The following DNAH11 variants were observed in gnomAD, a reference collection of about 807,000 sequenced individuals.
The protein encoded by DNAH11 is axonemal beta dynein heavy chain 11.
In DNAH11, 442 loss-of-function variants were observed where a neutral mutation model predicts 526.0. That is an observed-to-expected ratio of 0.84 (90% CI 0.78 to 0.91). The LOEUF is 0.91. Among genes scored for constraint, DNAH11 ranks in the 40% least tolerant of loss-of-function variants. The pLI is 0.00. For synonymous variants in DNAH11, 2,461 were observed against 1,935.9 expected (o/e 1.27, Z -7.12); for missense variants, 6,989 against 5,448.7 (o/e 1.28, Z -8.90).
In DNAH11 at chr7:21,594,845, T is replaced by G. The variant is rs1001063784; in HGVS notation, c.2667+3268T>G. Among the ~76,000 whole-genome samples the G allele has an allele frequency of 2.6e-5, 4 of 152,138 alleles. No homozygotes were observed. In the South Asian group the frequency reaches 6.2e-4, roughly 24 times the overall value. On this transcript the variant is annotated intron_variant, in intron 14 of 81. Transcript: ENST00000409508. ...TCAGGGGAGGCTTCATAGGCCTTTT[T>G]GCAGATTCTGGCTTTGGCTCACTCT...
intron 5 of DNAH11, among the ~76,000 whole-genome samples, chr7:21,563,409 A>C (rs1235375607): frequency 2.0e-5 from 3 of 151,982 alleles, no homozygotes; most frequent in African/African-American, 7.2e-5. Flanking sequence ...GGGTCTTGCT[A>C]TCTTTCCCAG....
chr7:21,681,923 A>AT (rs557194578), intron 31 of DNAH11, among the ~76,000 whole-genome samples: 40 of 152,304 alleles, frequency 2.6e-4, no homozygotes, highest in South Asian at 8.3e-4. Flanking sequence ...ATCAAAAAAA[A>AT]TTTTATCACA....
intron 42 of DNAH11, 41 bp from the exon 43 acceptor site, chr7:21,717,734 A>G (rs532734801): frequency 6.2e-7 from 1 of 1,610,072 alleles, no homozygotes; most frequent in African/African-American, 1.3e-5. Flanking sequence ...CTGCTTTTCA[A>G]GCCTAGTGTT....
chr7:21,620,097 T>C lies in DNAH11; in HGVS notation c.4500+19T>C, dbSNP rs1001542108. Reference sequence around the variant, plus strand: ...CAACCAAGTAAGATGGATATTTTTATTGCATATATTTTTCATTTTATTTTT... The same window carrying C: ...CAACCAAGTAAGATGGATATTTTTACTGCATATATTTTTCATTTTATTTTT... On this transcript the variant is annotated intron_variant, in intron 25 of 81. Coordinates refer to ENST00000409508, the MANE Select transcript of DNAH11 (RefSeq NM_001277115.2). 6.5e-7 allele frequency: 1 copy of C among 1,528,784 alleles called. No individual in the cohort carries two copies. Among genetic ancestry groups the C allele is most frequent in the Non-Finnish European group, 8.8e-7 (1 of 1,137,806 alleles). The allele number at this position is 1,528,784 out of a possible 1,614,324, so 94.7% of individuals were successfully genotyped here. A position where few individuals can be genotyped will look rare whatever the true frequency, so the allele number is the denominator to read the frequency against.
At chr7:21,852,153 G>A (rs1343217323) in intron 66 of DNAH11, among the ~76,000 whole-genome samples, 1 of 152,048 alleles carries the variant, frequency 6.6e-6, no homozygotes, top group Non-Finnish European at 1.5e-5. Context: ...GCCTGTAATG[G>A]CAGCACTTTG....
At chr7:21,813,732 C>T (rs989963378) in intron 63 of DNAH11, among the ~76,000 whole-genome samples, 9 of 152,104 alleles carry the variant, frequency 5.9e-5, no homozygotes, top group Admixed American at 2.6e-4. Context: ...CTCATAGTAA[C>T]ATCCTGACTC....
chr7:21,851,623 C>T lies in DNAH11; in HGVS notation c.10897-844C>T, dbSNP rs996806413. The stretch of plus-strand genomic sequence containing the variant: ...TTTATCTGACCTTCACTGTAAGAAC[C>T]GGATGGCATTTCCTGGAGGTAAAAC... On this transcript the variant is annotated intron_variant, in intron 66 of 81. Transcript: ENST00000409508. 43 of 470,726 alleles carry T rather than the reference C, an allele frequency of 9.1e-5. No individual in the cohort carries two copies. In the Admixed American group the frequency reaches 9.4e-4, roughly 10 times the overall value. The allele number at this position is 470,726 out of a possible 1,614,324, so 29.2% of individuals were successfully genotyped here.
intron 1 of DNAH11, among the ~76,000 whole-genome samples, chr7:21,544,161 T>C (rs1208102672): frequency 6.6e-6 from 1 of 152,220 alleles, no homozygotes; most frequent in Non-Finnish European, 1.5e-5. Context: ...TCCTTTTCTT[T>C]TTGAATTTCG....
At chr7:21,780,959 A>G (rs1787917849) in intron 57 of DNAH11, among the ~76,000 whole-genome samples, 1 of 152,226 alleles carries the variant, frequency 6.6e-6, no homozygotes, top group South Asian at 2.1e-4. Flanking sequence ...GCTCTGATGA[A>G]AATCCAGTAG....
intron 77 of DNAH11, 30 bp from the exon 78 acceptor site, chr7:21,894,593 G>A (rs1372291603): frequency 6.2e-7 from 1 of 1,602,818 alleles, no homozygotes; most frequent in Non-Finnish European, 8.5e-7. Flanking sequence ...GAAATAGAAA[G>A]GAGCTAAATC....
rs1292096657 is a variant in DNAH11, at chr7:21,558,653, G to T, written c.496-149G>T. ...ATGTCTAATTGATTAAATCTAAATG[G>T]GTCACTGACTTTATCCTCTCTTTGT... On this transcript the variant is annotated intron_variant, in intron 2 of 81. Transcript: ENST00000409508. 4 of 616,094 alleles carry T rather than the reference G, an allele frequency of 6.5e-6. No individual in the cohort carries two copies. In the African/African-American group the frequency reaches 7.5e-5, roughly 12 times the overall value. The allele number at this position is 616,094 out of a possible 1,614,324, so 38.2% of individuals were successfully genotyped here.
chr7:21,580,321 T>G (rs547203966), intron 8 of DNAH11, among the ~76,000 whole-genome samples: 2 of 152,380 alleles, frequency 1.3e-5, no homozygotes, highest in Non-Finnish European at 2.9e-5. Flanking sequence ...TTGTGTTTAC[T>G]TTATTAGCCA....
At chr7:21,738,206 G>A (rs1432736513) in intron 46 of DNAH11, among the ~76,000 whole-genome samples, 1 of 152,140 alleles carries the variant, frequency 6.6e-6, no homozygotes, top group Non-Finnish European at 1.5e-5. Context: ...CACGGATAGT[G>A]ACTACCTTGT....
At chr7:21,733,608 C>T (rs906174046) in intron 45 of DNAH11, among the ~76,000 whole-genome samples, 5 of 152,186 alleles carry the variant, frequency 3.3e-5, no homozygotes, top group Non-Finnish European at 5.9e-5. Context: ...GCGATGATAT[C>T]TTGTATTCAA....
chr7:21,755,702 A>C (rs1562527873), intron 54 of DNAH11, among the ~76,000 whole-genome samples: 1 of 152,096 alleles, frequency 6.6e-6, no homozygotes, highest in Non-Finnish European at 1.5e-5. Context: ...AGAACTAAAA[A>C]ATTTCTATTT....
At chr7:21,602,688 A>C (rs2128447642) in intron 18 of DNAH11, among the ~76,000 whole-genome samples, 1 of 152,228 alleles carries the variant, frequency 6.6e-6, no homozygotes, top group Non-Finnish European at 1.5e-5. Flanking sequence ...CTAGTTTAGT[A>C]GTCAGAGCAC....
intron 1 of DNAH11, among the ~76,000 whole-genome samples, chr7:21,544,557 G>C (rs1211068360): frequency 6.6e-6 from 1 of 152,188 alleles, no homozygotes; most frequent in Non-Finnish European, 1.5e-5. Context: ...ATGTTAGCAT[G>C]TTTTGGTTAT....
At chr7:21,557,171 G>C (rs1253400778) in intron 2 of DNAH11, among the ~76,000 whole-genome samples, 1 of 151,880 alleles carries the variant, frequency 6.6e-6, no homozygotes, top group Non-Finnish European at 1.5e-5. Context: ...CAAACTACCC[G>C]TGCCGTCCTC....
intron 31 of DNAH11, 85 bp downstream of exon 31, chr7:21,681,762 TG>T (rs1783150652): frequency 6.5e-7 from 1 of 1,541,436 alleles, no homozygotes; most frequent in African/African-American, 1.4e-5. Flanking sequence ...AGAAAGTCGT[TG>T]TTTTTTTGAA....
Sources: allele counts gnomAD v4.1 joint callset (sites outside exome capture counted in the v4.1 genomes callset), GRCh38; gene constraint gnomAD v4.1.1; transcripts MANE v1.5; gene names NCBI Gene and HGNC (gene_info 2026-07-23, HGNC 2026-07-21).